The following SEMA3A variants were observed in gnomAD, a reference collection of about 807,000 sequenced individuals.
SEMA3A encodes semaphorin 3A.
A neutral mutation model predicts 97.9 loss-of-function variants in SEMA3A; 29 were observed. The observed-to-expected ratio is 0.30, with a 90% CI of 0.22 to 0.40. The LOEUF is 0.40. SEMA3A is among the 10% of genes least tolerant of loss of function. The probability of loss-of-function intolerance (pLI) is 1.00; values close to 1 mark genes in which losing one functional copy is unlikely to be tolerated. For synonymous variants in SEMA3A, 321 were observed against 323.7 expected, an observed-to-expected ratio of 0.99 and a Z score of 0.09; for missense variants, 763 against 951.3, an observed-to-expected ratio of 0.80 and a Z score of 2.60.
intron 1 of SEMA3A, among the ~76,000 whole-genome samples, chr7:84,479,893 G>A (rs1009431317): frequency 1.3e-5 from 2 of 151,934 alleles, no homozygotes; most frequent in Admixed American, 6.6e-5. Context: ...AAGCAGCAGC[G>A]ACAACAACAA....
At position 84,046,391 on chromosome 7, in the gene SEMA3A, A is replaced by G; in HGVS notation, c.600T>C (p.Ala200=). ...TAADFMGRDF[A]IFRTLGHHHP... is the part of the protein sequence containing the mutation. ...GGTGGTGCCCAAGAGTTCGGAAGAT[A>G]GCAAAGTCTCGCCCCATAAAATCAG... The change falls in exon 6 of 17, where the codon GCT becomes GCC. Residue 200 remains alanine, a synonymous_variant. Coordinates refer to ENST00000265362, the MANE Select transcript of SEMA3A (RefSeq NM_006080.3). The G allele has an allele frequency of 6.2e-7, 1 of 1,613,302 alleles. No homozygotes were observed. The highest frequency in any genetic ancestry group is 8.5e-7 in the Non-Finnish European group (1 of 1,179,424).
At chr7:84,122,858 A>ATAT (rs1795670079) in intron 3 of SEMA3A, among the ~76,000 whole-genome samples, 1 of 152,192 alleles carries the variant, frequency 6.6e-6, no homozygotes, top group South Asian at 2.1e-4. Context: ...CATTAAGAGG[A>ATAT]GTAACAACTA....
At chr7:84,484,085 T>A (rs1210354783) in intron 1 of SEMA3A, among the ~76,000 whole-genome samples, 2 of 151,744 alleles carry the variant, frequency 1.3e-5, no homozygotes, top group Non-Finnish European at 2.9e-5. Context: ...CTGGGTTTTG[T>A]CACAGTCAAA....
At chr7:84,229,903 C>T (rs1321796054) in intron 3 of SEMA3A, among the ~76,000 whole-genome samples, 1 of 151,862 alleles carries the variant, frequency 6.6e-6, no homozygotes, top group African/African-American at 2.4e-5. Flanking sequence ...CCCCCTTTTG[C>T]TTTGTATCAA....
At chr7:84,384,070 C>T (rs1803338108) in intron 1 of SEMA3A, among the ~76,000 whole-genome samples, 2 of 152,136 alleles carry the variant, frequency 1.3e-5, no homozygotes, top group African/African-American at 4.8e-5. Context: ...ACACGACTGT[C>T]TCAATTACAA....
chr7:84,396,497 G>A (rs991340933), intron 1 of SEMA3A, among the ~76,000 whole-genome samples: 3 of 151,698 alleles, frequency 2.0e-5, no homozygotes, highest in Admixed American at 1.3e-4. Context: ...CAGCAACAAC[G>A]GAAGATAGAA....
intron 1 of SEMA3A, among the ~76,000 whole-genome samples, chr7:84,444,911 C>A (rs544980657): frequency 6.6e-6 from 1 of 152,160 alleles, no homozygotes; most frequent in South Asian, 2.1e-4. Flanking sequence ...TTTCATAAAA[C>A]ATCAGTGATT....
At chr7:84,193,342 G>T (rs1269541964) in intron 1 of SEMA3A, among the ~76,000 whole-genome samples, 1 of 151,946 alleles carries the variant, frequency 6.6e-6, no homozygotes, top group Non-Finnish European at 1.5e-5. Flanking sequence ...AATATGTTTT[G>T]TGGCATAAGA....
chr7:84,306,751 C>G (rs1346481952), intron 3 of SEMA3A: 1 of 152,122 alleles, frequency 6.6e-6, no homozygotes, highest in Non-Finnish European at 1.5e-5. Flanking sequence ...TATAAACTGA[C>G]TTCACCCTGA....
intron 2 of SEMA3A, among the ~76,000 whole-genome samples, chr7:84,358,530 G>C (rs1037216514): frequency 1.3e-5 from 2 of 152,104 alleles, no homozygotes; most frequent in African/African-American, 4.8e-5. Context: ...TGCTGTTTTG[G>C]TTACTGTAGC....
At chr7:84,208,260 G>A (rs1194863530) in intron 3 of SEMA3A, among the ~76,000 whole-genome samples, 1 of 152,082 alleles carries the variant, frequency 6.6e-6, no homozygotes, top group Non-Finnish European at 1.5e-5. Context: ...AGACCATCCT[G>A]GCTAACATGG....
intron 10 of SEMA3A, among the ~76,000 whole-genome samples, chr7:84,006,617 A>T (rs1790679765): frequency 6.6e-6 from 1 of 152,196 alleles, no homozygotes; most frequent in Non-Finnish European, 1.5e-5. Context: ...GATGCAGTGC[A>T]AGCATTTATA....
intron 1 of SEMA3A, among the ~76,000 whole-genome samples, chr7:84,177,234 A>G (rs1797595807): frequency 6.6e-6 from 1 of 152,152 alleles, no homozygotes; most frequent in South Asian, 2.1e-4. Flanking sequence ...TGTAGCTGGT[A>G]TGGCTCATGA....
intron 5 of SEMA3A, among the ~76,000 whole-genome samples, chr7:84,052,690 G>GT (rs762371694): frequency 1.4e-4 from 21 of 151,952 alleles, no homozygotes; most frequent in Non-Finnish European, 2.6e-4. Flanking sequence ...TTTTGGAAGG[G>GT]TTTTTTTGTG....
At chr7:84,476,358 CAA>C (rs1207575758) in intron 1 of SEMA3A, among the ~76,000 whole-genome samples, 16 of 97,506 alleles carry the variant, frequency 1.6e-4, no homozygotes, top group Admixed American at 4.4e-4. Context: ...GACTCCATCT[CAA>C]AAAAAAAAAA....
intron 1 of SEMA3A, among the ~76,000 whole-genome samples, chr7:84,153,344 G>C (rs1796737971): frequency 1.3e-5 from 2 of 152,140 alleles, no homozygotes; most frequent in African/African-American, 4.8e-5. Context: ...AGACATCAAA[G>C]AAAGAGGGAG....
chr7:84,089,638 TTATTAG>T, intron 4 of SEMA3A, among the ~76,000 whole-genome samples: 1 of 152,066 alleles, frequency 6.6e-6, no homozygotes, highest in Non-Finnish European at 1.5e-5. Context: ...TTCAAAGCAA[TTATTAG>T]TATTTGGATA....
chr7:84,456,565 G>A (rs75284161), intron 1 of SEMA3A, among the ~76,000 whole-genome samples: 4,061 of 151,744 alleles, frequency 0.027, 165 homozygotes, highest in African/African-American at 0.091. Context: ...TTTACATTTC[G>A]TAAATATTTA....
chr7:84,152,978 T>A (rs1796725850), intron 1 of SEMA3A, among the ~76,000 whole-genome samples: 1 of 152,032 alleles, frequency 6.6e-6, no homozygotes, highest in South Asian at 2.1e-4. Flanking sequence ...GTACTCAAGG[T>A]GGAAAAATGA....
Sources: gnomAD v4.1 joint callset for allele counts (sites outside exome capture counted in the v4.1 genomes callset) on GRCh38, gnomAD v4.1.1 for gene constraint, MANE v1.5 for transcripts, NCBI Gene and HGNC (gene_info 2026-07-23, HGNC 2026-07-21) for gene names.